The following DIAPH2 variants were observed in gnomAD, a reference collection of about 807,000 sequenced individuals.
DIAPH2 encodes protein diaphanous homolog 2.
In DIAPH2, 35 loss-of-function variants were observed where a neutral mutation model predicts 92.7. The ratio of observed to expected loss-of-function variants is 0.38; its 90% CI spans 0.29 to 0.50. DIAPH2 has a LOEUF of 0.50. Ranked by LOEUF, DIAPH2 falls within the 20% of genes least tolerant of loss-of-function variation. The pLI is 0.94. For synonymous variants in DIAPH2, 301 were observed against 280.4 expected (o/e 1.07, Z -0.73); for missense variants, 701 against 819.5 (o/e 0.86, Z 1.77).
intron 22 of DIAPH2, among the ~76,000 whole-genome samples, chrX:97,228,580 G>A (rs1313931447): frequency 2.7e-5 from 3 of 111,369 alleles, no homozygotes; most frequent in Non-Finnish European, 3.8e-5. Context: ...TTCTAATGGA[G>A]AAAAGAAAAT....
chrX:96,939,584 A>ATG (rs200977682), intron 12 of DIAPH2, among the ~76,000 whole-genome samples: 94 of 64,298 alleles, frequency 1.5e-3, no homozygotes, highest in African/African-American at 4.2e-3. Flanking sequence ...GTGTGTGTAT[A>ATG]TGTGTGTGTG....
chrX:97,309,696 A>G (rs2068777951), intron 23 of DIAPH2, among the ~76,000 whole-genome samples: 1 of 112,347 alleles, frequency 8.9e-6, no homozygotes. Flanking sequence ...AGAAAGTGCT[A>G]TGTTTAGATA....
chrX:97,448,952 C>T (rs948981432), intron 26 of DIAPH2, among the ~76,000 whole-genome samples: 2 of 112,154 alleles, frequency 1.8e-5, no homozygotes, highest in Non-Finnish European at 3.8e-5. Context: ...CTCTTGCTTT[C>T]GTATCTGCTT....
intron 4 of DIAPH2, among the ~76,000 whole-genome samples, chrX:96,800,722 G>A (rs1240896963): frequency 1.8e-5 from 2 of 112,144 alleles, no homozygotes; most frequent in East Asian, 2.8e-4. Context: ...TGTAATTTAT[G>A]TATAGCTTTA....
intron 22 of DIAPH2, among the ~76,000 whole-genome samples, chrX:97,149,104 A>G (rs1045876538): frequency 8.9e-6 from 1 of 111,959 alleles, no homozygotes; most frequent in African/African-American, 3.2e-5. Context: ...TATTAGTTTC[A>G]TTGAAAAATC....
intron 3 of DIAPH2, among the ~76,000 whole-genome samples, chrX:96,751,652 G>GTTTTTTTTTTTTT (rs1219167141): frequency 3.3e-5 from 2 of 60,312 alleles, no homozygotes; most frequent in African/African-American, 1.3e-4. Flanking sequence ...TCAGTGTTTT[G>GTTTTTTTTTTTTT]TTTTTTTTTT....
chrX:97,336,095 C>T (rs2069055753), intron 23 of DIAPH2, among the ~76,000 whole-genome samples: 1 of 110,456 alleles, frequency 9.1e-6, no homozygotes, highest in African/African-American at 3.3e-5. Flanking sequence ...GTGGCTCTTA[C>T]CATCCAGGTT....
chrX:96,963,974 G>T (rs1444415113), intron 16 of DIAPH2, among the ~76,000 whole-genome samples: 1 of 109,430 alleles, frequency 9.1e-6, no homozygotes, highest in African/African-American at 3.3e-5. Context: ...AATTTTTTTT[G>T]ATGTATGAAA....
chrX:97,122,854 G>A (rs970564942), intron 21 of DIAPH2, among the ~76,000 whole-genome samples: 1 of 111,077 alleles, frequency 9.0e-6, no homozygotes, highest in African/African-American at 3.3e-5. Flanking sequence ...TTCATTTGGT[G>A]ATCTCTCCTA....
intron 22 of DIAPH2, among the ~76,000 whole-genome samples, chrX:97,228,138 C>T (rs1288536970): frequency 9.0e-6 from 1 of 111,459 alleles, no homozygotes; most frequent in Non-Finnish European, 1.9e-5. Flanking sequence ...TGGGCTCAAG[C>T]GATCCCCCCG....
intron 4 of DIAPH2, among the ~76,000 whole-genome samples, chrX:96,846,936 G>A (rs1296777101): frequency 9.0e-6 from 1 of 111,278 alleles, no homozygotes; most frequent in Non-Finnish European, 1.9e-5. Context: ...TTCAGGTCTA[G>A]TGGAATCAGT....
intron 22 of DIAPH2, among the ~76,000 whole-genome samples, chrX:97,199,414 TTTTA>T (rs2067730379): frequency 9.0e-6 from 1 of 111,717 alleles, no homozygotes; most frequent in Non-Finnish European, 1.9e-5. Flanking sequence ...ATCTGTATCT[TTTTA>T]TTAATATTTG....
chrX:96,863,926 G>A (rs1240159518), intron 4 of DIAPH2, among the ~76,000 whole-genome samples: 1 of 110,512 alleles, frequency 9.0e-6, no homozygotes, highest in African/African-American at 3.3e-5. Context: ...AGCCGAGCAT[G>A]GTGGTGCGCA....
chrX:97,245,461 C>T (rs766693392), intron 22 of DIAPH2, among the ~76,000 whole-genome samples: 278 of 110,717 alleles, frequency 2.5e-3, no homozygotes, highest in Non-Finnish European at 4.4e-3. Context: ...TTTGTAGAGA[C>T]GAGGTCTAGC....
intron 26 of DIAPH2, among the ~76,000 whole-genome samples, chrX:97,526,398 C>A (rs2071024365): frequency 9.3e-6 from 1 of 108,019 alleles, no homozygotes; most frequent in Admixed American, 1.0e-4. Context: ...AATAGTATCT[C>A]TTCTTGTTGA....
chrX:97,473,120 C>G (rs913483059), intron 26 of DIAPH2, among the ~76,000 whole-genome samples: 8 of 111,543 alleles, frequency 7.2e-5, no homozygotes, highest in African/African-American at 2.6e-4. Context: ...CACACTTTAG[C>G]CCTTTATTAT....
chrX:97,428,586 A>C (rs1252133086), intron 25 of DIAPH2, among the ~76,000 whole-genome samples: 1 of 111,435 alleles, frequency 9.0e-6, no homozygotes, highest in African/African-American at 3.3e-5. Context: ...CCCCATAGTT[A>C]ATTTTTTAAA....
chrX:97,109,413 C>T (rs987633047), intron 20 of DIAPH2, among the ~76,000 whole-genome samples: 1 of 111,579 alleles, frequency 9.0e-6, no homozygotes, highest in Non-Finnish European at 1.9e-5. Flanking sequence ...CAGAGTGAGA[C>T]CCTGTCTCTA....
chrX:97,585,736 C>T (rs2071475760), intron 26 of DIAPH2, among the ~76,000 whole-genome samples: 1 of 111,334 alleles, frequency 9.0e-6, no homozygotes, highest in Non-Finnish European at 1.9e-5. Context: ...TATTCATTGC[C>T]TCCACTTACT....
Sources: gnomAD v4.1 joint callset for allele counts (sites outside exome capture counted in the v4.1 genomes callset) on GRCh38, gnomAD v4.1.1 for gene constraint, MANE v1.5 for transcripts, NCBI Gene and HGNC (gene_info 2026-07-23, HGNC 2026-07-21) for gene names.